The following CLYBL variants were observed in gnomAD, a reference collection of about 807,000 sequenced individuals.
CLYBL encodes the protein citramalyl-CoA lyase, also known as citramalyl-CoA lyase, mitochondrial.
Under a neutral mutation model 38.9 loss-of-function variants are expected in CLYBL, and 31 were observed. The observed-to-expected ratio is 0.80, with a 90% CI of 0.60 to 1.08. The LOEUF (loss-of-function observed/expected upper bound fraction) is 1.08, where lower values mean the gene tolerates loss of function less well. CLYBL is among the 50% of genes least tolerant of loss of function. The pLI is 0.00. For synonymous variants in CLYBL, 171 were observed against 158.6 expected (o/e 1.08, Z -0.59); for missense variants, 434 against 411.6 (o/e 1.05, Z -0.47).
chr13:99,825,073 T>C (rs1426238027), intron 2 of CLYBL, among the ~76,000 whole-genome samples: 1 of 152,102 alleles, frequency 6.6e-6, no homozygotes, highest in Non-Finnish European at 1.5e-5. Flanking sequence ...AACAAAGATG[T>C]CCATAAGCAG....
At chr13:99,741,594 C>T (rs2048756818) in intron 1 of CLYBL, among the ~76,000 whole-genome samples, 1 of 152,226 alleles carries the variant, frequency 6.6e-6, no homozygotes, top group Non-Finnish European at 1.5e-5. Flanking sequence ...CTCCGCCGCC[C>T]AGACAAGAGT....
At chr13:99,803,399 C>T (rs953092941) in intron 2 of CLYBL, among the ~76,000 whole-genome samples, 2 of 152,214 alleles carry the variant, frequency 1.3e-5, no homozygotes, top group South Asian at 2.1e-4. Context: ...ACCAGCCCAT[C>T]GCTGGATGTT....
chr13:99,786,594 T>C, intron 2 of CLYBL, among the ~76,000 whole-genome samples: 1 of 152,234 alleles, frequency 6.6e-6, no homozygotes. Context: ...ATTTTCTTAA[T>C]CCAGTCTGTC....
chr13:99,857,487 A>C (rs551189169), intron 2 of CLYBL, among the ~76,000 whole-genome samples: 32 of 152,142 alleles, frequency 2.1e-4, no homozygotes, highest in Non-Finnish European at 2.8e-4. Context: ...GCTTTTGTCT[A>C]AGTTGGCCTA....
chr13:99,906,898 G>C (rs2052703573), intron 9 of CLYBL, among the ~76,000 whole-genome samples: 1 of 152,200 alleles, frequency 6.6e-6, no homozygotes, highest in South Asian at 2.1e-4. Context: ...TTGGCTTCGT[G>C]CATCTGCAGA....
chr13:99,811,173 A>T (rs571748671), intron 2 of CLYBL, among the ~76,000 whole-genome samples: 1 of 152,306 alleles, frequency 6.6e-6, no homozygotes, highest in African/African-American at 2.4e-5. Flanking sequence ...CCTCCTGGTG[A>T]CAGTCCAGAA....
intron 7 of CLYBL, among the ~76,000 whole-genome samples, chr13:99,880,068 A>ATATTTTTT (rs34063235): frequency 1.1e-4 from 11 of 101,206 alleles, no homozygotes; most frequent in African/African-American, 3.7e-4. Flanking sequence ...ATATATATAT[A>ATATTTTTT]TTTTTTTTTT....
At chr13:99,699,923 C>T (rs541419364) in intron 1 of CLYBL, among the ~76,000 whole-genome samples, 4 of 151,890 alleles carry the variant, frequency 2.6e-5, no homozygotes, top group South Asian at 4.2e-4. Context: ...ACCACGGAGG[C>T]GGAGCTTGCA....
chr13:99,773,103 A>G (rs371406400), intron 2 of CLYBL, 93 bp downstream of exon 2: 5 of 1,042,178 alleles, frequency 4.8e-6, no homozygotes, highest in Non-Finnish European at 4.3e-6. Flanking sequence ...GAAAGATTCT[A>G]CCACACTCAT....
In CLYBL at chr13:99,687,607, A is replaced by AG. The variant is rs150869958; in HGVS notation, c.62+80853dup. Among the ~76,000 whole-genome samples the AG allele has an allele frequency of 1.8e-3, 276 of 152,360 alleles. 1 individual carries two copies. The highest frequency in any genetic ancestry group is 5.8e-3 in the African/African-American group (240 of 41,586). On this transcript the variant is annotated intron_variant, in intron 1 of 8. Coordinates refer to ENST00000339105, the MANE Select transcript of CLYBL (RefSeq NM_206808.5). ...GTAGGCTAAATGAGGGAACCATTAA[A>AG]GGGTTTTTAATAGACTTTTGAACCA...
chr13:99,764,704 T>C (rs955912504), intron 1 of CLYBL, among the ~76,000 whole-genome samples: 1 of 152,146 alleles, frequency 6.6e-6, no homozygotes, highest in African/African-American at 2.4e-5. Flanking sequence ...TGAGACAGCA[T>C]CTTAATCTGT....
At chr13:99,883,184 TG>T (rs2052259171) in intron 7 of CLYBL, among the ~76,000 whole-genome samples, 1 of 152,206 alleles carries the variant, frequency 6.6e-6, no homozygotes, top group Admixed American at 6.5e-5. Flanking sequence ...TAATAGAGAC[TG>T]TCTTTATGTG....
At chr13:99,730,031 A>G (rs1397597705) in intron 1 of CLYBL, among the ~76,000 whole-genome samples, 1 of 130,522 alleles carries the variant, frequency 7.7e-6, no homozygotes, top group African/African-American at 2.7e-5. Flanking sequence ...TTGGTCCCAC[A>G]TCAGCGTGGC....
chr13:99,617,923 C>T (rs34363176), intron 1 of CLYBL, among the ~76,000 whole-genome samples: 1 of 152,102 alleles, frequency 6.6e-6, no homozygotes, highest in African/African-American at 2.4e-5. Flanking sequence ...CTTGACCACC[C>T]TGTACAACAT....
At chr13:99,725,148 G>A (rs1190460071) in intron 1 of CLYBL, among the ~76,000 whole-genome samples, 1 of 152,152 alleles carries the variant, frequency 6.6e-6, no homozygotes, top group Non-Finnish European at 1.5e-5. Flanking sequence ...TGACAAGCAG[G>A]GCTGGCCTCT....
intron 2 of CLYBL, among the ~76,000 whole-genome samples, chr13:99,834,441 C>G (rs1234601639): frequency 2.6e-5 from 4 of 152,116 alleles, no homozygotes; most frequent in African/African-American, 9.7e-5. Context: ...CCTGCAGGAG[C>G]CTCAAAGTCA....
intron 2 of CLYBL, among the ~76,000 whole-genome samples, chr13:99,833,683 CTTTTTTTTTT>C (rs35378080): frequency 1.8e-4 from 10 of 56,112 alleles, no homozygotes; most frequent in African/African-American, 6.1e-4. Context: ...TACCGTGTTG[CTTTTTTTTTT>C]TTTTTTTTTT....
chr13:99,620,586 C>T (rs1017639255), intron 1 of CLYBL, among the ~76,000 whole-genome samples: 1 of 152,132 alleles, frequency 6.6e-6, no homozygotes, highest in Non-Finnish European at 1.5e-5. Flanking sequence ...ACCAACCTGG[C>T]ACAACATGAT....
chr13:99,804,398 C>T (rs181461987), intron 2 of CLYBL, among the ~76,000 whole-genome samples: 7 of 152,316 alleles, frequency 4.6e-5, no homozygotes, highest in African/African-American at 1.4e-4. Flanking sequence ...GAATTCCCTC[C>T]GTCTTTTTTC....
Sources: gnomAD v4.1 joint callset for allele counts (sites outside exome capture counted in the v4.1 genomes callset) on GRCh38, gnomAD v4.1.1 for gene constraint, MANE v1.5 for transcripts, NCBI Gene and HGNC (gene_info 2026-07-23, HGNC 2026-07-21) for gene names.